Variants in TMC5 observed in about 807,000 individuals in gnomAD.
TMC5 encodes transmembrane channel-like protein 5.
Under a neutral mutation model 110.5 loss-of-function variants are expected in TMC5, and 86 were observed. That is an observed-to-expected ratio of 0.78 (90% CI 0.65 to 0.93). The LOEUF (loss-of-function observed/expected upper bound fraction) is 0.93. Among genes scored for constraint, TMC5 ranks in the 40% least tolerant of loss-of-function variants. The pLI, the probability that TMC5 is intolerant of heterozygous loss-of-function variation, is 0.00. For missense variants in TMC5, 1,144 were observed against 1,222.8 expected, an observed-to-expected ratio of 0.94 and a Z score of 0.96; for synonymous variants, 455 against 439.5, an observed-to-expected ratio of 1.04 and a Z score of -0.44.
chr16:19,471,506 A>G (rs1190736385), intron 10 of TMC5, among the ~76,000 whole-genome samples: 3 of 152,194 alleles, frequency 2.0e-5, no homozygotes, highest in East Asian at 1.9e-4. Context: ...TCTTAAGAAC[A>G]TGGTCCCGAT....
chr16:19,482,903 A>C (rs11074396), intron 15 of TMC5, among the ~76,000 whole-genome samples: 6,502 of 152,052 alleles, frequency 0.043, 170 homozygotes, highest in African/African-American at 0.062. Context: ...TTTTTGAGAC[A>C]GAGTCTTGCT....
Position 19,427,279 on chromosome 16 carries a change from TA to T in TMC5, c.-307-3131del, listed in dbSNP as rs1207163400. Among the ~76,000 whole-genome samples the T allele has an allele frequency of 2.0e-5, 3 of 152,246 alleles. No homozygotes were observed. In the East Asian group the frequency reaches 5.8e-4, roughly 29 times the overall value. On this transcript the variant is annotated intron_variant, in intron 1 of 21. Transcript: ENST00000542583. ...GACCAGCCTGGGCAACATGGTGAAT[TA>T]AAGTTAATTAAAATTAAATTTAATA...
At position 19,481,410 on chromosome 16, in the gene TMC5, G is replaced by C. The variant is rs1267964346; in HGVS notation, c.2308G>C (p.Glu770Gln). Residue 770 changes from glutamate to glutamine, a missense_variant, in exon 15 of 22, where the codon GAG (glutamate) becomes CAG (glutamine). Physicochemically the swap from Glu to Gln is conservative, Grantham distance 29. Transcript: ENST00000542583. ...ACTGATCACAAGTCTTGGCCTTCAGGAGTTTGACATTGCCAGGAACGTTCT... is the reference window on the plus strand; with the variant it reads ...ACTGATCACAAGTCTTGGCCTTCAGCAGTTTGACATTGCCAGGAACGTTCT... Reference protein sequence around the residue: ...MQLITSLGLQEFDIARNVLEL... With the variant: ...MQLITSLGLQQFDIARNVLEL... 1 of 1,614,136 alleles carries C rather than the reference G, an allele frequency of 6.2e-7. No homozygotes were observed.
Position 19,474,000 on chromosome 16 carries a change from A to G in TMC5, c.1939-125A>G, listed in dbSNP as rs563245537. The G allele has an allele frequency of 1.8e-4, 157 of 876,956 alleles. No individual in the cohort carries two copies. The African/African-American group carries it at 2.3e-3, about 13-fold the overall frequency. The allele number at this position is 876,956 out of a possible 1,614,324, so 54.3% of individuals were successfully genotyped here. Reference sequence around the variant, plus strand: ...ATCTCAAAAAAATTAAAATAAATAAATAGATAAATAGTTAACCGCAGAGGA... The same window carrying G: ...ATCTCAAAAAAATTAAAATAAATAAGTAGATAAATAGTTAACCGCAGAGGA... On this transcript the variant is annotated intron_variant, in intron 11 of 21. Transcript: ENST00000542583.
chr16:19,465,650 T>C (rs978241858), intron 8 of TMC5, among the ~76,000 whole-genome samples: 11 of 152,232 alleles, frequency 7.2e-5, no homozygotes, highest in Non-Finnish European at 1.6e-4. Context: ...TCTGGAATTG[T>C]CTGATGATTT....
chr16:19,424,562 C>T (rs1967051495), intron 1 of TMC5, among the ~76,000 whole-genome samples: 1 of 152,074 alleles, frequency 6.6e-6, no homozygotes, highest in Admixed American at 6.6e-5. Context: ...GACAGGAGAA[C>T]CACTTCAACC....
At chr16:19,490,712 T>A (rs1968865550) in intron 18 of TMC5, 144 bp downstream of exon 18, 1 of 39,256 alleles carries the variant, frequency 2.5e-5, no homozygotes, top group Non-Finnish European at 6.8e-5. Context: ...GTAGTTTTCT[T>A]TCCTTCCTTC....
chr16:19,440,244 T>C lies in TMC5; in HGVS notation c.206T>C (p.Leu69Pro). ...ACACGTCCAGACTATCCTGGGTCTC[T>C]GGCAGAACCAAATTATCCTAGATCT... ...SRTRPDYPGS[L>P]AEPNYPRSLS... The change falls in exon 3 of 22, where the codon CTG becomes CCG. Residue 69 changes from leucine (L) to proline (P), a missense_variant. Coordinates refer to ENST00000542583, the MANE Select transcript of TMC5 (RefSeq NM_001261841.2). 1 of 1,614,148 alleles carries C rather than the reference T, an allele frequency of 6.2e-7. No individual in the cohort carries two copies. The highest frequency in any genetic ancestry group is 8.5e-7 in the Non-Finnish European group (1 of 1,180,020).
rs188548032 is a variant in TMC5, at chr16:19,475,938, A to G, written c.2091-1502A>G. 3.9e-3 allele frequency among the ~76,000 whole-genome samples: 589 copies of G among 151,254 alleles called. 2 individuals are homozygous for G. The highest frequency in any genetic ancestry group is 5.5e-3 in the Non-Finnish European group (375 of 67,914). ...TTTATTTATTATCTTCCTCTCCCAC[A>G]GTTTATGGGGAAATCTTTGCCTTGT... On this transcript the variant is annotated intron_variant, in intron 12 of 21. Transcript: ENST00000542583.
chr16:19,426,482 G>A (rs932332740), intron 1 of TMC5, among the ~76,000 whole-genome samples: 7 of 152,276 alleles, frequency 4.6e-5, no homozygotes, highest in Non-Finnish European at 8.8e-5. Flanking sequence ...TGTAGCCTAC[G>A]GGTCTCCAGT....
chr16:19,461,846 T>G (rs1205265464), intron 6 of TMC5, among the ~76,000 whole-genome samples: 1 of 152,172 alleles, frequency 6.6e-6, no homozygotes, highest in African/African-American at 2.4e-5. Context: ...CAGGGTGGAA[T>G]AGATTTGTCA....
chr16:19,421,324 G>A (rs918207661), intron 1 of TMC5, among the ~76,000 whole-genome samples: 2 of 152,030 alleles, frequency 1.3e-5, no homozygotes, highest in African/African-American at 4.8e-5. Flanking sequence ...ATCCCCACAT[G>A]TCATGAGAGG....
At chr16:19,488,786 TTTAA>T (rs1390496265) in intron 17 of TMC5, among the ~76,000 whole-genome samples, 1 of 152,164 alleles carries the variant, frequency 6.6e-6, no homozygotes, top group East Asian at 1.9e-4. Context: ...TGTGTGAGTC[TTTAA>T]TTGTTACTCA....
At chr16:19,492,037 GT>G in intron 18 of TMC5, 112 bp from the exon 19 acceptor site, 4 of 818,690 alleles carry the variant, frequency 4.9e-6, no homozygotes, top group Non-Finnish European at 8.1e-6. Flanking sequence ...TCAGAAACAT[GT>G]TTGGGCCAAA....
chr16:19,435,849 CAGA>C (rs1967332897), intron 2 of TMC5, among the ~76,000 whole-genome samples: 2 of 152,264 alleles, frequency 1.3e-5, no homozygotes, highest in African/African-American at 2.4e-5. Context: ...CTGCGTGCAG[CAGA>C]AGTTCAGTCT....
rs772837061 is a variant in TMC5, at chr16:19,494,376, G to C, written c.2931+10G>C. The C allele has an allele frequency of 1.2e-6, 2 of 1,609,828 alleles. No homozygotes were observed. Among genetic ancestry groups the C allele is most frequent in the Non-Finnish European group, 1.7e-6 (2 of 1,177,602 alleles). On this transcript the variant is annotated intron_variant, in intron 20 of 21. Transcript: ENST00000542583. ...AAGGAGAGAGGTGGAGGTGAGTCTGGAGGCTGCCTTGGGGACCCCTGGGAC... is the reference window on the plus strand; with the variant it reads ...AAGGAGAGAGGTGGAGGTGAGTCTGCAGGCTGCCTTGGGGACCCCTGGGAC...
In TMC5 at chr16:19,440,642, C is replaced by G. The variant is rs764099702; in HGVS notation, c.604C>G (p.Leu202Val). ...SFRINPYADS[L>V]GKPDYPGADI... ...TAGAATCAATCCATACGCAGACTCT[C>G]TGGGAAAGCCTGATTATCCAGGCGC... The change falls in exon 3 of 22, where the codon CTG becomes GTG. Residue 202 changes from leucine to valine, a missense_variant. Transcript: ENST00000542583. 2 of 1,614,092 alleles carry G rather than the reference C, an allele frequency of 1.2e-6. No individual in the cohort carries two copies. Among genetic ancestry groups the G allele is most frequent in the Non-Finnish European group, 8.5e-7 (1 of 1,180,050 alleles).
chr16:19,498,192 C>A lies in TMC5; in HGVS notation c.*226C>A. ...TTCAAGACAAAATACTTGGGGTTTT[C>A]CAATAAAGATTGTTGTAATATTGAA... is the stretch of plus-strand genomic sequence containing the variant. On this transcript the variant is annotated 3_prime_UTR_variant, in exon 22 of 22. Coordinates refer to ENST00000542583, the MANE Select transcript of TMC5 (RefSeq NM_001261841.2). 3.7e-6 allele frequency: 2 copies of A among 534,098 alleles called. No homozygotes were observed. The highest frequency in any genetic ancestry group is 6.6e-6 in the Non-Finnish European group (2 of 300,814). 33.1% of individuals were successfully genotyped at this position (534,098 alleles called of 1,614,324 possible). A position where few individuals can be genotyped will look rare whatever the true frequency, so the allele number is the denominator to read the frequency against.
At chr16:19,449,912 C>T (rs1170787506) in intron 5 of TMC5, among the ~76,000 whole-genome samples, 1 of 152,194 alleles carries the variant, frequency 6.6e-6, no homozygotes. Flanking sequence ...GCCCCCCAGC[C>T]ATGAGGAACT....
Sources: allele counts gnomAD v4.1 joint callset (sites outside exome capture counted in the v4.1 genomes callset), GRCh38; gene constraint gnomAD v4.1.1; transcripts MANE v1.5; gene names NCBI Gene and HGNC (gene_info 2026-07-23, HGNC 2026-07-21).